Variants in CEP83 observed in about 807,000 individuals in gnomAD.
CEP83 encodes the protein centrosomal protein 83.
In CEP83, 70 loss-of-function variants were observed where a neutral mutation model predicts 101.9. The observed-to-expected ratio is 0.69, with a 90% confidence interval of 0.57 to 0.84. CEP83 has a LOEUF of 0.84. Ranked by LOEUF, CEP83 falls within the 40% of genes least tolerant of loss-of-function variation. The pLI, the probability that CEP83 is intolerant of heterozygous loss-of-function variation, is 0.00. For missense variants in CEP83, 715 were observed against 787.2 expected (o/e 0.91, Z 1.10); for synonymous variants, 264 against 267.9 (o/e 0.99, Z 0.14).
chr12:94,431,249 A>T (rs773397017), intron 2 of CEP83, among the ~76,000 whole-genome samples: 5 of 152,198 alleles, frequency 3.3e-5, no homozygotes, highest in Non-Finnish European at 7.3e-5. Flanking sequence ...ATATGCAGAA[A>T]AATTAAATTG....
chr12:94,277,757 G>C, the CEP83 span: 8 of 355,910 alleles, frequency 2.2e-5, no homozygotes, highest in Middle Eastern at 3.8e-4. Context: ...GCCAACAATA[G>C]TAATTGTACA....
intron 14 of CEP83, among the ~76,000 whole-genome samples, chr12:94,314,762 C>G (rs1593090800): frequency 1.3e-5 from 2 of 152,328 alleles, no homozygotes; most frequent in South Asian, 4.1e-4. Flanking sequence ...AACCACTCTT[C>G]TGGTTTTTAT....
the CEP83 span, among the ~76,000 whole-genome samples, chr12:94,281,344 C>G: frequency 6.6e-6 from 1 of 152,074 alleles, no homozygotes; most frequent in African/African-American, 2.4e-5. Context: ...GCTTGGAGCT[C>G]TTACAGCAGA....
rs371292247 is a variant in CEP83, at chr12:94,365,652, C to T, written c.1343+2142G>A. 6.6e-4 allele frequency among the ~76,000 whole-genome samples: 100 copies of T among 151,826 alleles called. No individual in the cohort carries two copies. The South Asian group carries it at 0.019, about 29-fold the overall frequency. On this transcript the variant is annotated intron_variant, in intron 11 of 16. Transcript: ENST00000397809. ...AGTTGTGGTGACATACACCTGTAAT[C>T]TCAGCTACTCAGGAGGCAGGAGAAT...
intron 4 of CEP83, among the ~76,000 whole-genome samples, chr12:94,404,373 T>C (rs574716492): frequency 1.3e-5 from 2 of 152,280 alleles, no homozygotes; most frequent in Admixed American, 6.5e-5. Context: ...AGAAAGCTTA[T>C]AGAACCCAAA....
At chr12:94,382,895 G>A (rs905338752) in intron 6 of CEP83, among the ~76,000 whole-genome samples, 7 of 152,006 alleles carry the variant, frequency 4.6e-5, no homozygotes, top group African/African-American at 1.7e-4. Context: ...ATGGTTGATG[G>A]TGTTATTGCG....
At chr12:94,295,984 A>G in the CEP83 span, among the ~76,000 whole-genome samples, 1 of 152,166 alleles carries the variant, frequency 6.6e-6, no homozygotes. Flanking sequence ...TTCTTCCTTG[A>G]TGCTTGTAGG....
chr12:94,412,594 G>C lies in CEP83; in HGVS notation c.-101-3C>G. 1 of 849,444 alleles carries C rather than the reference G, an allele frequency of 1.2e-6. No homozygotes were observed. The highest frequency in any genetic ancestry group is 1.9e-6 in the Non-Finnish European group (1 of 535,690). The allele number at this position is 849,444 out of a possible 1,614,324, so 52.6% of individuals were successfully genotyped here. On this transcript the variant is annotated splice_polypyrimidine_tract_variant and splice_region_variant and intron_variant, in intron 2 of 16. Coordinates refer to ENST00000397809, the MANE Select transcript of CEP83 (RefSeq NM_016122.3). The stretch of plus-strand genomic sequence containing the variant: ...AATCTCAGGAAGCCAAATTATACCT[G>C]CACAGAGAAATAAACATAATTACAT...
chr12:94,364,510 G>C (rs1010866436), intron 11 of CEP83, among the ~76,000 whole-genome samples: 1 of 152,086 alleles, frequency 6.6e-6, no homozygotes, highest in Non-Finnish European at 1.5e-5. Flanking sequence ...GGCGCCTAAA[G>C]TTCCAACTAC....
intron 2 of CEP83, among the ~76,000 whole-genome samples, chr12:94,421,802 T>A (rs191964275): frequency 4.1e-4 from 63 of 152,298 alleles, no homozygotes; most frequent in Middle Eastern, 6.8e-3. Flanking sequence ...GTACAACATG[T>A]TACTGTACTA....
Position 94,425,991 on chromosome 12 carries a change from A to G in CEP83, c.-102+9284T>C, listed in dbSNP as rs570602194. Among the ~76,000 whole-genome samples the G allele has an allele frequency of 1.3e-3, 205 of 152,060 alleles. 3 individuals carry two copies. Among genetic ancestry groups the G allele is most frequent in the Admixed American group, 0.013 (193 of 15,276 alleles). On this transcript the variant is annotated intron_variant, in intron 2 of 16. Transcript: ENST00000397809. ...AAAAAAATTAGCTGGGCGTGGTGAC[A>G]GGCGCCTGTAGTCCCAGCTACTCGG...
intron 4 of CEP83, among the ~76,000 whole-genome samples, chr12:94,411,375 T>C (rs1190315598): frequency 1.3e-5 from 2 of 152,116 alleles, no homozygotes; most frequent in Non-Finnish European, 2.9e-5. Context: ...TACTAGTAAC[T>C]CTTTTAAAAA....
chr12:94,374,453 A>G (rs1313073371), intron 8 of CEP83, among the ~76,000 whole-genome samples: 1 of 152,244 alleles, frequency 6.6e-6, no homozygotes, highest in Non-Finnish European at 1.5e-5. Context: ...GAATTGGAAG[A>G]AAAGCATGGA....
the CEP83 span, among the ~76,000 whole-genome samples, chr12:94,297,736 A>G: frequency 6.6e-6 from 1 of 152,170 alleles, no homozygotes; most frequent in African/African-American, 2.4e-5. Flanking sequence ...CTTTTGGTTT[A>G]CTTGTTATTA....
At chr12:94,280,646 T>A in the CEP83 span, among the ~76,000 whole-genome samples, 5 of 152,166 alleles carry the variant, frequency 3.3e-5, no homozygotes, top group Non-Finnish European at 7.4e-5. Flanking sequence ...CTCATTTGGT[T>A]AGATACAGGA....
chr12:94,422,079 A>C (rs2064801108), intron 2 of CEP83, among the ~76,000 whole-genome samples: 1 of 152,114 alleles, frequency 6.6e-6, no homozygotes, highest in South Asian at 2.1e-4. Context: ...TCTCTTCCTT[A>C]TTTGGAGGTG....
intron 11 of CEP83, chr12:94,335,947 G>A (rs1338195497): frequency 2.1e-5 from 6 of 279,828 alleles, no homozygotes; most frequent in Middle Eastern, 1.1e-3. Context: ...AACCTGACAG[G>A]TAGGATTTTG....
Position 94,329,275 on chromosome 12 carries a change from A to AT in CEP83, c.1707+2424dup, listed in dbSNP as rs201004361. The stretch of plus-strand genomic sequence containing the variant: ...TTTGGGGTTTTTTTGTTTAATTATT[A>AT]TTTTTTTTTGAGATAGGGTCTTGCT... On this transcript the variant is annotated intron_variant, in intron 14 of 16. Coordinates refer to ENST00000397809, the MANE Select transcript of CEP83 (RefSeq NM_016122.3). Among the ~76,000 whole-genome samples the AT allele has an allele frequency of 7.5e-3, 1,139 of 150,862 alleles. 20 individuals carry two copies. Among genetic ancestry groups the AT allele is most frequent in the Admixed American group, 0.038 (583 of 15,164 alleles).
chr12:94,277,314 AC>A, the CEP83 span: 2 of 152,888 alleles, frequency 1.3e-5, no homozygotes, highest in African/African-American at 4.8e-5. Context: ...ACCTCCAAGT[AC>A]CATCACCTTG....
Sources: gnomAD v4.1 joint callset for allele counts (sites outside exome capture counted in the v4.1 genomes callset) on GRCh38, gnomAD v4.1.1 for gene constraint, MANE v1.5 for transcripts, NCBI Gene and HGNC (gene_info 2026-07-23, HGNC 2026-07-21) for gene names.